The following MRE11 variants were observed in gnomAD, a reference collection of about 807,000 sequenced individuals.
MRE11 encodes MRE11 double strand break repair nuclease.
A neutral mutation model predicts 91.7 loss-of-function variants in MRE11; 62 were observed. The observed-to-expected ratio is 0.68, with a 90% confidence interval of 0.55 to 0.84. MRE11 has a LOEUF of 0.84. Ranked by LOEUF, MRE11 falls within the 40% of genes least tolerant of loss-of-function variation. The probability of loss-of-function intolerance (pLI) is 0.00; values close to 1 mark genes in which losing one functional copy is unlikely to be tolerated. For synonymous variants in MRE11, 273 were observed against 271.4 expected (o/e 1.01, Z -0.06); for missense variants, 796 against 852.9 (o/e 0.93, Z 0.83).
At chr11:94,439,748 T>C (rs1044185329) in intron 16 of MRE11, among the ~76,000 whole-genome samples, 2 of 152,236 alleles carry the variant, frequency 1.3e-5, no homozygotes, top group Non-Finnish European at 2.9e-5. Context: ...GACGCAATCA[T>C]TGTCCCATCC....
rs2134732644 is a variant in MRE11, at chr11:94,420,057, T to A, written c.*68A>T. The A allele has an allele frequency of 7.7e-7, 1 of 1,302,212 alleles. No homozygotes were observed. The highest frequency in any genetic ancestry group is 1.1e-6 in the Non-Finnish European group (1 of 911,710). 80.7% of individuals were successfully genotyped at this position (1,302,212 alleles called of 1,614,324 possible). On this transcript the variant is annotated 3_prime_UTR_variant, in exon 20 of 20. Transcript: ENST00000323929. Reference sequence around the variant, plus strand: ...AAACAATACTTAAAATCTTAAACTGTAAACTCTTAGCTTGTAACATTTTCA... The same window carrying A: ...AAACAATACTTAAAATCTTAAACTGAAAACTCTTAGCTTGTAACATTTTCA...
chr11:94,432,577 G>A (rs1208196333), intron 18 of MRE11, among the ~76,000 whole-genome samples: 2 of 152,210 alleles, frequency 1.3e-5, no homozygotes, highest in East Asian at 3.9e-4. Context: ...GGAGGCCGAG[G>A]CGGGCGGATC....
At chr11:94,487,384 A>C (rs1341404758) in intron 3 of MRE11, among the ~76,000 whole-genome samples, 1 of 152,250 alleles carries the variant, frequency 6.6e-6, no homozygotes, top group Non-Finnish European at 1.5e-5. Context: ...GAAAGTGCAG[A>C]ATCTGAACCT....
At chr11:94,491,154 T>C (rs151068346) in intron 2 of MRE11, among the ~76,000 whole-genome samples, 189 bp from the exon 3 acceptor site, 2 of 152,290 alleles carry the variant, frequency 1.3e-5, no homozygotes, top group African/African-American at 4.8e-5. Flanking sequence ...TCCTAACCAC[T>C]AGTTCAATAC....
intron 3 of MRE11, among the ~76,000 whole-genome samples, chr11:94,486,514 G>A (rs1947146312): frequency 6.6e-6 from 1 of 152,136 alleles, no homozygotes; most frequent in South Asian, 2.1e-4. Flanking sequence ...TTATATCCCT[G>A]CCCTCATTAA....
intron 12 of MRE11, 96 bp downstream of exon 12, chr11:94,460,840 A>C: frequency 1.0e-6 from 1 of 992,328 alleles, no homozygotes. Context: ...CATTTTGAGG[A>C]TTCATTTTGT....
intron 3 of MRE11, among the ~76,000 whole-genome samples, chr11:94,488,583 A>C (rs1565240601): frequency 6.6e-6 from 1 of 152,246 alleles, no homozygotes; most frequent in Non-Finnish European, 1.5e-5. Flanking sequence ...CTGGATAAAG[A>C]AAATGTGGTA....
intron 12 of MRE11, 100 bp from the exon 13 acceptor site, chr11:94,459,681 AAT>A (rs1202702336): frequency 1.5e-6 from 2 of 1,295,440 alleles, no homozygotes; most frequent in Non-Finnish European, 2.2e-6. Context: ...CCAGAGAAAA[AAT>A]ATAGTGAACA....
intron 16 of MRE11, among the ~76,000 whole-genome samples, chr11:94,437,457 A>G (rs567822652): frequency 5.3e-5 from 8 of 152,200 alleles, no homozygotes; most frequent in Non-Finnish European, 1.0e-4. Context: ...CAGCTTATTG[A>G]GATACTGTAG....
At chr11:94,423,822 G>A (rs2134754005) in intron 19 of MRE11, among the ~76,000 whole-genome samples, 1 of 152,350 alleles carries the variant, frequency 6.6e-6, no homozygotes, top group Non-Finnish European at 1.5e-5. Context: ...GCACACAGCT[G>A]GGGCTGTCGA....
In MRE11 at chr11:94,490,886, T is replaced by C; in HGVS notation, c.100A>G (p.Asn34Asp). 1.2e-6 allele frequency: 2 copies of C among 1,611,508 alleles called. No homozygotes were observed. The highest frequency in any genetic ancestry group is 1.7e-6 in the Non-Finnish European group (2 of 1,177,914). The change falls in exon 3 of 20, where the codon AAT becomes GAT. Residue 34 changes from asparagine to aspartate, a missense_variant. By Grantham distance (23) the Asn-to-Asp change is conservative. Transcript: ENST00000323929. Reference sequence around the variant, plus strand: ...TCATCGAGTGTTACAAACGTATCATTTCCTCTGACTGCATCTTTCTCCATA... The same window carrying C: ...TCATCGAGTGTTACAAACGTATCATCTCCTCTGACTGCATCTTTCTCCATA... ...GFMEKDAVRG[N>D]DTFVTLDEIL...
chr11:94,439,824 AGTAAAAT>A (rs1422569144), intron 16 of MRE11, among the ~76,000 whole-genome samples: 2 of 152,248 alleles, frequency 1.3e-5, no homozygotes, highest in Non-Finnish European at 2.9e-5. Flanking sequence ...ACACACAACT[AGTAAAAT>A]TGAGAAGTCA....
chr11:94,442,983 T>A (rs1170433790), intron 16 of MRE11, among the ~76,000 whole-genome samples: 1 of 152,212 alleles, frequency 6.6e-6, no homozygotes, highest in Admixed American at 6.5e-5. Context: ...AAGCTAAGGA[T>A]CTTAGCTAGC....
chr11:94,452,642 T>A (rs1438266272), intron 14 of MRE11, among the ~76,000 whole-genome samples: 2 of 152,208 alleles, frequency 1.3e-5, no homozygotes, highest in African/African-American at 4.8e-5. Context: ...AAATTGTATA[T>A]TCAAATTGTA....
intron 18 of MRE11, among the ~76,000 whole-genome samples, chr11:94,435,558 AAAAT>A (rs1054740861): frequency 6.6e-6 from 1 of 152,164 alleles, no homozygotes; most frequent in African/African-American, 2.4e-5. Flanking sequence ...ACTGTCTCAA[AAAAT>A]AAATAAATAA....
At chr11:94,481,592 C>T (rs1306208611) in intron 4 of MRE11, among the ~76,000 whole-genome samples, 4 of 152,140 alleles carry the variant, frequency 2.6e-5, no homozygotes, top group Admixed American at 6.5e-5. Context: ...GAAGCCTTCC[C>T]CACACCTAGA....
the MRE11 span, among the ~76,000 whole-genome samples, chr11:94,507,664 T>C: frequency 3.3e-5 from 5 of 152,196 alleles, no homozygotes; most frequent in Non-Finnish European, 7.3e-5. Flanking sequence ...TTTCATTTTT[T>C]TTTAATAGCC....
In MRE11 at chr11:94,419,465, G is replaced by GGAGAGAGAGAGAGAGA. The variant is rs201800515; in HGVS notation, c.*644_*659dup. The GGAGAGAGAGAGAGAGA allele has an allele frequency of 4.7e-4, 101 of 216,420 alleles. No individual in the cohort carries two copies. The highest frequency in any genetic ancestry group is 2.2e-3 in the African/African-American group (89 of 40,700). The allele number at this position is 216,420 out of a possible 1,614,324, so 13.4% of individuals were successfully genotyped here. A position where few individuals can be genotyped will look rare whatever the true frequency, so the allele number is the denominator to read the frequency against. Reference sequence around the variant, plus strand: ...GAAGAGTGGGGAACGGGGGGGAGAGGGAGAGAGAGAGAGAGAGAGAGAGAG... The same window carrying GGAGAGAGAGAGAGAGA: ...GAAGAGTGGGGAACGGGGGGGAGAGGGAGAGAGAGAGAGAGAGAGAGAGAGAGAGAGAGAGAGAGAG... On this transcript the variant is annotated 3_prime_UTR_variant, in exon 20 of 20. Transcript: ENST00000323929.
chr11:94,443,921 T>G (rs10765681), intron 16 of MRE11, among the ~76,000 whole-genome samples: 46,942 of 99,902 alleles, frequency 0.47, 7,937 homozygotes, highest in South Asian at 0.53. Flanking sequence ...TCAACCAATT[T>G]TTTTTTTTTT....
Sources: allele counts gnomAD v4.1 joint callset (sites outside exome capture counted in the v4.1 genomes callset), GRCh38; gene constraint gnomAD v4.1.1; transcripts MANE v1.5; gene names NCBI Gene and HGNC (gene_info 2026-07-23, HGNC 2026-07-21).